Variants in DGKG observed in about 807,000 individuals in gnomAD.
The protein encoded by DGKG is DAG kinase gamma.
Under a neutral mutation model 105.3 loss-of-function variants are expected in DGKG, and 78 were observed. The ratio of observed to expected loss-of-function variants is 0.74; its 90% CI spans 0.62 to 0.89. The LOEUF is 0.89. Ranked by LOEUF, DGKG falls within the 40% of genes least tolerant of loss-of-function variation. The pLI is 0.00. For missense variants in DGKG, 958 were observed against 1,020.1 expected (o/e 0.94, Z 0.83); for synonymous variants, 346 against 367.1 (o/e 0.94, Z 0.66).
At chr3:186,355,448 T>C (rs1383054769) in intron 1 of DGKG, among the ~76,000 whole-genome samples, 1 of 139,136 alleles carries the variant, frequency 7.2e-6, no homozygotes, top group African/African-American at 2.7e-5. Flanking sequence ...ACCACTATGA[T>C]CATCACCACC....
intron 5 of DGKG, among the ~76,000 whole-genome samples, chr3:186,290,678 C>A (rs945959969): frequency 1.3e-5 from 2 of 152,184 alleles, no homozygotes; most frequent in African/African-American, 4.8e-5. Flanking sequence ...CTGGAAGTCT[C>A]TCTGAGTGGA....
In DGKG at chr3:186,164,803, C is replaced by T. The variant is rs1716457857; in HGVS notation, c.2216+95G>A. 48 of 1,420,724 alleles carry T rather than the reference C, an allele frequency of 3.4e-5. No homozygotes were observed. In the South Asian group the frequency reaches 6.4e-4, roughly 19 times the overall value. The allele number at this position is 1,420,724 out of a possible 1,614,324, so 88.0% of individuals were successfully genotyped here. On this transcript the variant is annotated intron_variant, in intron 23 of 24. Coordinates refer to ENST00000265022, the MANE Select transcript of DGKG (RefSeq NM_001346.3). ...ATCAAGCTTTTGTGCTGCACTCTCC[C>T]TGCCCTAAAATCCAAAGATGGCTTC...
chr3:186,267,752 G>A lies in DGKG; in HGVS notation c.1142C>T (p.Thr381Met), dbSNP rs376646378. The stretch of plus-strand genomic sequence containing the variant: ...TCTGAGTTCCCCACCGTCACACAAC[G>A]TTGATAATTCACATTTGCGGTGAAA... ...MTFHRKCELS[T>M]LCDGGELRDH... is the part of the protein sequence containing the mutation. Residue 381 changes from threonine to methionine, a missense_variant, in exon 13 of 25, where the codon ACG (threonine) becomes ATG (methionine). Coordinates refer to ENST00000265022, the MANE Select transcript of DGKG (RefSeq NM_001346.3). 23 of 1,613,864 alleles carry A rather than the reference G, an allele frequency of 1.4e-5. No homozygotes were observed. The highest frequency in any genetic ancestry group is 2.2e-5 in the East Asian group (1 of 44,888).
At position 186,297,064 on chromosome 3, in the gene DGKG, T is replaced by TCACACACACACACA. The variant is rs1177958964; in HGVS notation, c.373+356_373+357insTGTGTGTGTGTGTG. Among the ~76,000 whole-genome samples the TCACACACACACACA allele has an allele frequency of 1.1e-3, 86 of 78,554 alleles. 2 individuals carry two copies. The highest frequency in any genetic ancestry group is 3.0e-3 in the African/African-American group (59 of 19,560). The allele number at this position is 78,554 out of a possible 152,430, so 51.5% of individuals were successfully genotyped here. On this transcript the variant is annotated intron_variant, in intron 5 of 24. Coordinates refer to ENST00000265022, the MANE Select transcript of DGKG (RefSeq NM_001346.3). ...ACCTCTCTCTGTCTGTCTGTCTGTC[T>TCACACACACACACA]CTCTCACACACACACACACACACAC...
chr3:186,240,845 C>T (rs996456671), intron 20 of DGKG, among the ~76,000 whole-genome samples: 7 of 151,324 alleles, frequency 4.6e-5, no homozygotes, highest in African/African-American at 1.7e-4. Flanking sequence ...GAAAAGAGGA[C>T]CTTAAAAGCC....
intron 21 of DGKG, among the ~76,000 whole-genome samples, chr3:186,205,569 G>T (rs1294049534): frequency 6.6e-6 from 1 of 152,032 alleles, no homozygotes; most frequent in Non-Finnish European, 1.5e-5. Flanking sequence ...AATTAACTAG[G>T]TGTGGTGGCG....
At chr3:186,254,995 C>T (rs1721396224) in intron 17 of DGKG, among the ~76,000 whole-genome samples, 1 of 152,220 alleles carries the variant, frequency 6.6e-6, no homozygotes. Flanking sequence ...TTCCTTAAAG[C>T]ACAAAGCTCT....
At chr3:186,221,970 G>A (rs12492576) in intron 20 of DGKG, among the ~76,000 whole-genome samples, 74,670 of 152,114 alleles carry the variant, frequency 0.49, 19,810 homozygotes, top group East Asian at 0.84. Flanking sequence ...GGTCTGACCT[G>A]CACTGGCTGC....
chr3:186,223,235 G>A (rs1444852025), intron 20 of DGKG, among the ~76,000 whole-genome samples: 2 of 151,416 alleles, frequency 1.3e-5, no homozygotes, highest in African/African-American at 2.4e-5. Flanking sequence ...CATCCCCGGC[G>A]GTGACCCTGA....
At chr3:186,150,708 T>G (rs765023927) in intron 24 of DGKG, among the ~76,000 whole-genome samples, 3 of 152,228 alleles carry the variant, frequency 2.0e-5, no homozygotes, top group Non-Finnish European at 2.9e-5. Context: ...AGTTCCCAAT[T>G]GAGTGCCTTA....
chr3:186,253,006 A>G, intron 18 of DGKG, 87 bp downstream of exon 18: 1 of 1,154,180 alleles, frequency 8.7e-7, no homozygotes. Flanking sequence ...TGATCCATAA[A>G]AGGGTAAGTT....
intron 3 of DGKG, among the ~76,000 whole-genome samples, chr3:186,301,562 G>T (rs1025384912): frequency 3.3e-5 from 5 of 152,188 alleles, no homozygotes; most frequent in Admixed American, 6.5e-5. Context: ...GGGAGGCGGA[G>T]CTTGCAGTGA....
chr3:186,332,925 A>G (rs1417929254), intron 1 of DGKG, among the ~76,000 whole-genome samples: 1 of 152,036 alleles, frequency 6.6e-6, no homozygotes, highest in Non-Finnish European at 1.5e-5. Flanking sequence ...GATCTGAACT[A>G]ACACGTTCAG....
In DGKG at chr3:186,320,503, T is replaced by C. The variant is rs754282432; in HGVS notation, c.-44A>G. 4.3e-6 allele frequency: 7 copies of C among 1,613,976 alleles called. No homozygotes were observed. Among genetic ancestry groups the C allele is most frequent in the Non-Finnish European group, 5.9e-6 (7 of 1,179,984 alleles). On this transcript the variant is annotated 5_prime_UTR_variant, in exon 2 of 25. Transcript: ENST00000265022. ...TGGCTAAAGGGCAGTGATGGAGTTTTGTTCACTAGGCTGAAGTGGAGGCCC... is the reference window on the plus strand; with the variant it reads ...TGGCTAAAGGGCAGTGATGGAGTTTCGTTCACTAGGCTGAAGTGGAGGCCC...
intron 23 of DGKG, among the ~76,000 whole-genome samples, chr3:186,164,334 C>T (rs752514962): frequency 3.9e-5 from 6 of 152,300 alleles, no homozygotes; most frequent in South Asian, 2.1e-4. Context: ...AGGATCCTCT[C>T]GATTAGACTT....
chr3:186,360,156 G>A (rs1156454804), intron 1 of DGKG, among the ~76,000 whole-genome samples: 1 of 152,088 alleles, frequency 6.6e-6, no homozygotes, highest in Non-Finnish European at 1.5e-5. Flanking sequence ...GTTGTGTGGG[G>A]AGTTGGAGCA....
chr3:186,199,602 T>A (rs1718351040), intron 21 of DGKG, among the ~76,000 whole-genome samples: 2 of 152,110 alleles, frequency 1.3e-5, no homozygotes, highest in Admixed American at 1.3e-4. Context: ...AACCTCCGCC[T>A]CCTGGGTTCA....
intron 9 of DGKG, among the ~76,000 whole-genome samples, chr3:186,275,987 TCTATCTATTATC>T (rs1458092835): frequency 1.8e-4 from 25 of 137,562 alleles, no homozygotes; most frequent in African/African-American, 6.6e-4. Flanking sequence ...TATCTATCTA[TCTATCTATTATC>T]TATCATCTAT....
chr3:186,254,952 C>G (rs143633665), intron 17 of DGKG, among the ~76,000 whole-genome samples: 1 of 152,230 alleles, frequency 6.6e-6, no homozygotes, highest in African/African-American at 2.4e-5. Flanking sequence ...CTGCCTCCCA[C>G]GCAACATGTC....
Sources: allele counts gnomAD v4.1 joint callset (sites outside exome capture counted in the v4.1 genomes callset), GRCh38; gene constraint gnomAD v4.1.1; transcripts MANE v1.5; gene names NCBI Gene and HGNC (gene_info 2026-07-23, HGNC 2026-07-21).